NAV2: variants seen among roughly 807,000 people sequenced by gnomAD.
NAV2 encodes neuron navigator 2.
Under a neutral mutation model 223.2 loss-of-function variants are expected in NAV2, and 54 were observed. The observed-to-expected ratio is 0.24, with a 90% CI of 0.19 to 0.30. NAV2 has a LOEUF of 0.30. Among genes scored for constraint, NAV2 ranks in the 10% least tolerant of loss-of-function variants. NAV2 has a pLI of 1.00. For synonymous variants in NAV2, 1,279 were observed against 1,239.3 expected, an observed-to-expected ratio of 1.03 and a Z score of -0.67; for missense variants, 2,806 against 3,147.5, an observed-to-expected ratio of 0.89 and a Z score of 2.60.
Position 19,879,951 on chromosome 11 carries a change from G to A in NAV2, c.594G>A (p.Gln198=). 6.2e-7 allele frequency: 1 copy of A among 1,613,526 alleles called. No homozygotes were observed. Among genetic ancestry groups the A allele is most frequent in the Non-Finnish European group, 8.5e-7 (1 of 1,179,994 alleles). The change falls in exon 5 of 38, where the codon CAG becomes CAA. Residue 198 remains glutamine (Q), a synonymous_variant. Transcript: ENST00000349880. ...SRYKQQQQQP[Q]KQHLSSPLPP... ...ACAAGCAGCAGCAGCAGCAGCCCCAGAAGCAGCACCTCTCCTCACCTCTGC... is the reference window on the plus strand; with the variant it reads ...ACAAGCAGCAGCAGCAGCAGCCCCAAAAGCAGCACCTCTCCTCACCTCTGC...
intron 1 of NAV2, among the ~76,000 whole-genome samples, chr11:19,639,964 T>G (rs563050843): frequency 3.3e-5 from 5 of 152,300 alleles, no homozygotes; most frequent in Admixed American, 2.0e-4. Context: ...GAAGGGAAGA[T>G]GGGAAGGAGA....
intron 11 of NAV2, among the ~76,000 whole-genome samples, chr11:20,008,506 A>G (rs1046233919): frequency 2.0e-5 from 3 of 152,210 alleles, no homozygotes; most frequent in African/African-American, 7.2e-5. Flanking sequence ...CAGAGACTTC[A>G]GGGACACAGC....
intron 11 of NAV2, chr11:20,023,046 A>C: frequency 1.3e-6 from 2 of 1,550,388 alleles, no homozygotes; most frequent in Admixed American, 2.0e-5. Context: ...AGGACTTGCC[A>C]TCCTGTGAGA....
At chr11:20,087,633 T>C (rs1353713881) in intron 26 of NAV2, among the ~76,000 whole-genome samples, 1 of 152,146 alleles carries the variant, frequency 6.6e-6, no homozygotes, top group Non-Finnish European at 1.5e-5. Flanking sequence ...GAATCACAGT[T>C]AAGGGACTGA....
chr11:19,832,184 A>C (rs868221551), intron 1 of NAV2, among the ~76,000 whole-genome samples: 21 of 152,324 alleles, frequency 1.4e-4, no homozygotes, highest in African/African-American at 4.8e-4. Flanking sequence ...GCAGCCTCTC[A>C]AAGCCGTCTG....
chr11:19,475,980 ATTC>A (rs1271912961), intron 1 of NAV2, among the ~76,000 whole-genome samples: 1 of 151,958 alleles, frequency 6.6e-6, no homozygotes, highest in African/African-American at 2.4e-5. Context: ...AGAGCATGCC[ATTC>A]TTTTTTTTTG....
chr11:19,776,358 G>A (rs2152632864), intron 1 of NAV2, among the ~76,000 whole-genome samples: 1 of 152,296 alleles, frequency 6.6e-6, no homozygotes, highest in East Asian at 1.9e-4. Context: ...TCAAAGGAAG[G>A]CACCCGGGGC....
At chr11:19,639,010 A>G (rs2047582172) in intron 1 of NAV2, among the ~76,000 whole-genome samples, 1 of 152,152 alleles carries the variant, frequency 6.6e-6, no homozygotes, top group South Asian at 2.1e-4. Context: ...TAATAATAAA[A>G]ATAATAAAGA....
intron 1 of NAV2, among the ~76,000 whole-genome samples, chr11:19,489,353 G>A (rs975916821): frequency 6.6e-6 from 1 of 152,218 alleles, no homozygotes; most frequent in African/African-American, 2.4e-5. Context: ...TTCTACCTCT[G>A]CTGTCACTTC....
intron 1 of NAV2, among the ~76,000 whole-genome samples, chr11:19,582,205 TG>T (rs1450226245): frequency 2.0e-5 from 3 of 152,206 alleles, no homozygotes; most frequent in African/African-American, 7.2e-5. Context: ...CACTTGTTGA[TG>T]GGGTTGTTTG....
intron 10 of NAV2, among the ~76,000 whole-genome samples, chr11:19,964,759 C>G (rs1337427390): frequency 6.7e-6 from 1 of 149,460 alleles, no homozygotes; most frequent in South Asian, 2.1e-4. Context: ...TCTCAGCCTC[C>G]CAAAACGTTG....
chr11:20,015,512 C>T (rs2053928439), intron 11 of NAV2, among the ~76,000 whole-genome samples: 1 of 152,192 alleles, frequency 6.6e-6, no homozygotes, highest in Admixed American at 6.5e-5. Flanking sequence ...CTCTTCTTCC[C>T]TATAATATGT....
chr11:19,756,505 A>G (rs1402247883), intron 1 of NAV2, among the ~76,000 whole-genome samples: 2 of 152,200 alleles, frequency 1.3e-5, no homozygotes, highest in Non-Finnish European at 2.9e-5. Flanking sequence ...AAGAATAACC[A>G]GAGTCAACCT....
At chr11:19,532,422 T>C (rs1462776230) in intron 1 of NAV2, among the ~76,000 whole-genome samples, 1 of 152,226 alleles carries the variant, frequency 6.6e-6, no homozygotes, top group Non-Finnish European at 1.5e-5. Flanking sequence ...TTTCTTTCTC[T>C]GGGCCTCAAC....
chr11:19,381,197 C>G (rs1848825966), intron 1 of NAV2, among the ~76,000 whole-genome samples: 1 of 152,194 alleles, frequency 6.6e-6, no homozygotes, highest in African/African-American at 2.4e-5. Context: ...CTCTCCTCTG[C>G]TCCCCTACTA....
At chr11:19,449,468 C>T (rs538004493) in intron 1 of NAV2, among the ~76,000 whole-genome samples, 2 of 152,192 alleles carry the variant, frequency 1.3e-5, no homozygotes, top group East Asian at 1.9e-4. Flanking sequence ...TTGGTACCAA[C>T]CCCACAGGGA....
In NAV2 at chr11:19,869,451, A is replaced by G. The variant is rs11025303; in HGVS notation, c.511+454A>G. Among the ~76,000 whole-genome samples the G allele has an allele frequency of 1.3e-4, 20 of 152,304 alleles. No homozygotes were observed. In the East Asian group the frequency reaches 2.7e-3, roughly 21 times the overall value. On this transcript the variant is annotated intron_variant, in intron 4 of 37. Transcript: ENST00000349880. ...TTTCTTGCTCTTAAAAAAGCATGTG[A>G]TTTATTAATGCAATGCTGTATTTTT...
chr11:19,892,648 C>A, intron 6 of NAV2, 54 bp downstream of exon 6: 1 of 1,574,028 alleles, frequency 6.4e-7, no homozygotes, highest in Non-Finnish European at 8.6e-7. Flanking sequence ...AGCACATCTA[C>A]CTAGTTCCTT....
At chr11:19,601,393 TC>T (rs2135243737) in intron 1 of NAV2, among the ~76,000 whole-genome samples, 1 of 152,262 alleles carries the variant, frequency 6.6e-6, no homozygotes, top group South Asian at 2.1e-4. Flanking sequence ...CCCTCCGGCC[TC>T]CCCTCCTGGA....
Sources: allele counts gnomAD v4.1 joint callset (sites outside exome capture counted in the v4.1 genomes callset), GRCh38; gene constraint gnomAD v4.1.1; transcripts MANE v1.5; gene names NCBI Gene and HGNC (gene_info 2026-07-23, HGNC 2026-07-21).